The following PFKFB3 variants were observed in gnomAD, a reference collection of about 807,000 sequenced individuals.
PFKFB3 encodes 6-phosphofructo-2-kinase/fructose-2,6-biphosphatase 3.
PFKFB3 carries 33 observed loss-of-function variants against 68.0 expected under a neutral mutation model. The observed-to-expected ratio is 0.49, with a 90% CI of 0.37 to 0.65. The LOEUF (loss-of-function observed/expected upper bound fraction) is 0.65, where lower values mean the gene tolerates loss of function less well. PFKFB3 is among the 30% of genes least tolerant of loss of function. The pLI, the probability that PFKFB3 is intolerant of heterozygous loss-of-function variation, is 0.00. For missense variants in PFKFB3, 586 were observed against 712.2 expected (o/e 0.82, Z 2.02); for synonymous variants, 315 against 288.2 (o/e 1.09, Z -0.94).
chr10:6,291,709 G>C, the PFKFB3 span, among the ~76,000 whole-genome samples: 1 of 152,104 alleles, frequency 6.6e-6, no homozygotes, highest in Admixed American at 6.5e-5. Flanking sequence ...GCTATAGCTC[G>C]TTAAGTATCA....
At chr10:6,183,614 A>AAAAAAATATAT (rs1242752213) in intron 1 of PFKFB3, among the ~76,000 whole-genome samples, 33 of 93,946 alleles carry the variant, frequency 3.5e-4, no homozygotes, top group African/African-American at 1.0e-3. Context: ...AAAAAAAAAA[A>AAAAAAATATAT]ATATATATAT....
intron 10 of PFKFB3, among the ~76,000 whole-genome samples, chr10:6,222,128 G>A (rs988495423): frequency 1.3e-4 from 20 of 152,182 alleles, no homozygotes; most frequent in African/African-American, 3.9e-4. Flanking sequence ...CTCCTCTGCC[G>A]ATGGGATCCT....
the PFKFB3 span, among the ~76,000 whole-genome samples, chr10:6,271,594 T>C: frequency 6.6e-6 from 1 of 151,842 alleles, no homozygotes; most frequent in East Asian, 1.9e-4. Flanking sequence ...CCTGGTTCAG[T>C]ACTCTCTAGG....
exon 1 of PFKFB3, chr10:6,144,978 C>G: frequency 7.7e-7 from 1 of 1,298,304 alleles, no homozygotes; most frequent in Non-Finnish European, 9.8e-7. Flanking sequence ...GCCGGCCCCG[C>G]GGGGAGCGCC....
At chr10:6,192,582 C>G (rs1373058667) in intron 1 of PFKFB3, among the ~76,000 whole-genome samples, 2 of 151,914 alleles carry the variant, frequency 1.3e-5, no homozygotes, top group South Asian at 4.2e-4. Context: ...CCCAGCAGAA[C>G]GTGATCTGGG....
At chr10:6,298,169 A>G in the PFKFB3 span, among the ~76,000 whole-genome samples, 3 of 152,152 alleles carry the variant, frequency 2.0e-5, no homozygotes, top group African/African-American at 7.2e-5. Context: ...AGACACTGTG[A>G]CCTGGCCTAG....
At chr10:6,174,372 A>C (rs1239267912) in intron 1 of PFKFB3, among the ~76,000 whole-genome samples, 1 of 152,166 alleles carries the variant, frequency 6.6e-6, no homozygotes, top group Non-Finnish European at 1.5e-5. Flanking sequence ...GGTAAACAAT[A>C]AACAAGTGCT....
At chr10:6,221,612 T>C in intron 9 of PFKFB3, 29 bp from the exon 10 acceptor site, 1 of 1,609,700 alleles carries the variant, frequency 6.2e-7, no homozygotes, top group Non-Finnish European at 8.5e-7. Context: ...TGTGGTTTGT[T>C]CCCCTGAGTG....
the PFKFB3 span, among the ~76,000 whole-genome samples, chr10:6,319,041 G>A: frequency 0.042 from 6,384 of 152,224 alleles, 448 homozygotes; most frequent in African/African-American, 0.14. Context: ...ATATTCTCGG[G>A]AGGAAGACTT....
At chr10:6,306,909 C>T in the PFKFB3 span, among the ~76,000 whole-genome samples, 1 of 152,168 alleles carries the variant, frequency 6.6e-6, no homozygotes, top group Non-Finnish European at 1.5e-5. Context: ...CTTCATTGGG[C>T]CAATGTGCCC....
intron 6 of PFKFB3, among the ~76,000 whole-genome samples, chr10:6,219,115 G>C (rs560183040): frequency 2.0e-5 from 3 of 152,246 alleles, no homozygotes; most frequent in African/African-American, 4.8e-5. Flanking sequence ...TCAGGCAGTG[G>C]GGGGTGGAGG....
the PFKFB3 span, among the ~76,000 whole-genome samples, chr10:6,277,125 G>A: frequency 6.6e-6 from 1 of 152,142 alleles, no homozygotes; most frequent in African/African-American, 2.4e-5. Flanking sequence ...TCCCCGCCCA[G>A]ATCTCATGTT....
chr10:6,162,935 C>T (rs193117060), intron 1 of PFKFB3, among the ~76,000 whole-genome samples: 1 of 152,262 alleles, frequency 6.6e-6, no homozygotes, highest in Admixed American at 6.5e-5. Flanking sequence ...GTTTCCAGGG[C>T]GTTTTTCATG....
At chr10:6,267,078 C>T in the PFKFB3 span, among the ~76,000 whole-genome samples, 20 of 152,184 alleles carry the variant, frequency 1.3e-4, no homozygotes, top group African/African-American at 4.8e-4. Flanking sequence ...AATAAAGAAA[C>T]AAGTTATTAG....
chr10:6,216,868 C>A, intron 5 of PFKFB3, 88 bp downstream of exon 5: 1 of 847,654 alleles, frequency 1.2e-6, no homozygotes. Context: ...TGGTCCTTCC[C>A]CTCCTGCTGC....
At chr10:6,252,747 G>A (rs1000331632) in intron 14 of PFKFB3, among the ~76,000 whole-genome samples, 8 of 152,192 alleles carry the variant, frequency 5.3e-5, no homozygotes, top group East Asian at 1.9e-4. Context: ...TTGTTGTATC[G>A]TATAATTCCA....
At position 6,221,256 on chromosome 10, in the gene PFKFB3, T is replaced by C. The variant is rs116018485; in HGVS notation, c.832-125T>C. 5.1e-5 allele frequency: 57 copies of C among 1,108,168 alleles called. No individual in the cohort carries two copies. In the African/African-American group the frequency reaches 8.3e-4, roughly 16 times the overall value. The allele number at this position is 1,108,168 out of a possible 1,614,324, so 68.6% of individuals were successfully genotyped here. A position where few individuals can be genotyped will look rare whatever the true frequency, so the allele number is the denominator to read the frequency against. ...GTGTGTGCGGCTGTGGCTGTCCCAGTGGCCTGGGGCCCCCACGGTGTAACC... is the reference window on the plus strand; with the variant it reads ...GTGTGTGCGGCTGTGGCTGTCCCAGCGGCCTGGGGCCCCCACGGTGTAACC... On this transcript the variant is annotated intron_variant, in intron 8 of 14. Transcript: ENST00000379775.
At chr10:6,308,477 C>G in the PFKFB3 span, among the ~76,000 whole-genome samples, 1 of 152,176 alleles carries the variant, frequency 6.6e-6, no homozygotes, top group Non-Finnish European at 1.5e-5. Context: ...GATCATGCCA[C>G]TGCACTCCAG....
At chr10:6,216,396 C>T (rs963949213) in intron 4 of PFKFB3, among the ~76,000 whole-genome samples, 5 of 152,200 alleles carry the variant, frequency 3.3e-5, no homozygotes, top group African/African-American at 7.2e-5. Flanking sequence ...ACCTCCAGGG[C>T]GGGCAGGACT....
Sources: gnomAD v4.1 joint callset for allele counts (sites outside exome capture counted in the v4.1 genomes callset) on GRCh38, gnomAD v4.1.1 for gene constraint, MANE v1.5 for transcripts, NCBI Gene and HGNC (gene_info 2026-07-23, HGNC 2026-07-21) for gene names.